The following TPMT variants were observed in gnomAD, a reference collection of about 807,000 sequenced individuals.
The protein encoded by TPMT is S-adenosyl-L-methionine:thiopurine S-methyltransferase.
A neutral mutation model predicts 34.2 loss-of-function variants in TPMT; 18 were observed. That is an observed-to-expected ratio of 0.53 (90% CI 0.36 to 0.78). The LOEUF (loss-of-function observed/expected upper bound fraction) is 0.78, where lower values mean the gene tolerates loss of function less well. TPMT is among the 30% of genes least tolerant of loss of function. TPMT has a pLI of 0.00. For synonymous variants in TPMT, 69 were observed against 92.4 expected (o/e 0.75, Z 1.45); for missense variants, 265 against 288.1 (o/e 0.92, Z 0.58).
At position 18,148,658 on chromosome 6, in the gene TPMT, T is replaced by C. The variant is rs146873604; in HGVS notation, c.140+330A>G. Among the ~76,000 whole-genome samples, 421 of 152,370 alleles carry C rather than the reference T, an allele frequency of 2.8e-3. 2 individuals are homozygous for C. The highest frequency in any genetic ancestry group is 5.2e-3 in the Admixed American group (80 of 15,300). ...CACCACTGATTTTCAGTATGAAGAA[T>C]TGTAAGCATAAACATTGCTTGAGCA... is the stretch of plus-strand genomic sequence containing the variant. On this transcript the variant is annotated intron_variant, in intron 2 of 8. Transcript: ENST00000309983. This position sits in a 1 kb window ranked among gnomAD's most constrained non-coding sequence, Gnocchi z 4.1.
chr6:18,137,311 T>C (rs1484034152), intron 6 of TPMT, among the ~76,000 whole-genome samples: 5 of 152,122 alleles, frequency 3.3e-5, no homozygotes, highest in African/African-American at 4.8e-5. Context: ...CTAATTTTTG[T>C]ATTTTTATAG....
rs1169832683 is a variant in TPMT, at chr6:18,149,191, A to C, written c.-44-20T>G. 7 of 1,603,468 alleles carry C rather than the reference A, an allele frequency of 4.4e-6. No individual in the cohort carries two copies. The African/African-American group carries it at 9.4e-5, about 21-fold the overall frequency. On this transcript the variant is annotated intron_variant, in intron 1 of 8. Coordinates refer to ENST00000309983, the MANE Select transcript of TPMT (RefSeq NM_000367.5). This position sits in a 1 kb window ranked among gnomAD's most constrained non-coding sequence, Gnocchi z 5.0. ...CCGTGCCTACGTGGAAAATATTTGC[A>C]ATGTTGTCATTTAAGGTCATTGGAA...
rs1432665950 is a variant in TPMT, at chr6:18,148,598, C to T, written c.140+390G>A. On this transcript the variant is annotated intron_variant, in intron 2 of 8. Coordinates refer to ENST00000309983, the MANE Select transcript of TPMT (RefSeq NM_000367.5). This position sits in a 1 kb window ranked among gnomAD's most constrained non-coding sequence, Gnocchi z 4.1. ...TCCCACCATAGAGATAATTCTTTAA[C>T]ATCTGAACACATCCTATTGGAAAGC... is the stretch of plus-strand genomic sequence containing the variant. 6.6e-6 allele frequency among the ~76,000 whole-genome samples: 1 copy of T among 152,228 alleles called. No homozygotes were observed. Among genetic ancestry groups the T allele is most frequent in the Admixed American group, 6.5e-5 (1 of 15,284 alleles).
intron 1 of TPMT, among the ~76,000 whole-genome samples, chr6:18,152,100 A>G (rs961916776): frequency 6.6e-6 from 1 of 152,210 alleles, no homozygotes; most frequent in Non-Finnish European, 1.5e-5. Flanking sequence ...GTTCTGAACC[A>G]GCATTTCAAG....
intron 3 of TPMT, among the ~76,000 whole-genome samples, chr6:18,147,606 A>G (rs978225182): frequency 1.3e-5 from 2 of 152,204 alleles, no homozygotes; most frequent in Non-Finnish European, 2.9e-5. Context: ...CTGATTTTTT[A>G]ATTTCAAAAC....
At chr6:18,144,646 T>G (rs978302000) in intron 3 of TPMT, among the ~76,000 whole-genome samples, 6 of 151,912 alleles carry the variant, frequency 3.9e-5, no homozygotes, top group Non-Finnish European at 7.4e-5. Flanking sequence ...CCCAAAGTGC[T>G]GGGATTACAG....
Position 18,130,856 on chromosome 6 carries a change from T to C in TPMT, c.626-76A>G. The C allele has an allele frequency of 8.4e-6, 11 of 1,313,492 alleles. No homozygotes were observed. Among genetic ancestry groups the C allele is most frequent in the Non-Finnish European group, 1.2e-5 (11 of 916,854 alleles). The allele number at this position is 1,313,492 out of a possible 1,614,324, so 81.4% of individuals were successfully genotyped here. ...GGATTCTTTTAAAAATACTCAAAATTGGCTGGGTGCGGTGGCTCACACCTG... is the reference window on the plus strand; with the variant it reads ...GGATTCTTTTAAAAATACTCAAAATCGGCTGGGTGCGGTGGCTCACACCTG... On this transcript the variant is annotated intron_variant, in intron 8 of 8. Transcript: ENST00000309983. The surrounding 1 kb of genome is among the most constrained non-coding windows in gnomAD (Gnocchi z 4.2).
In TPMT at chr6:18,143,164, G is replaced by C. The variant is rs1309287725; in HGVS notation, c.366+432C>G. On this transcript the variant is annotated intron_variant, in intron 4 of 8. Transcript: ENST00000309983. This position sits in a 1 kb window ranked among gnomAD's most constrained non-coding sequence, Gnocchi z 6.1. ...CTCCCATCTCTTCCCTTAATACCCT[G>C]TGTCTTTACACTTAGCTCCATGCAT... Among the ~76,000 whole-genome samples the C allele has an allele frequency of 6.6e-6, 1 of 152,120 alleles. No homozygotes were observed. Among genetic ancestry groups the C allele is most frequent in the Non-Finnish European group, 1.5e-5 (1 of 68,026 alleles).
chr6:18,131,595 A>T lies in TPMT; in HGVS notation c.625+538T>A, dbSNP rs1783943079. ...GATCCTATCTCAAAAATAAACAAAT[A>T]AAAAAAAATATACCATCTCTCTAGA... On this transcript the variant is annotated intron_variant, in intron 8 of 8. Transcript: ENST00000309983. This position sits in a 1 kb window ranked among gnomAD's most constrained non-coding sequence, Gnocchi z 4.3. Among the ~76,000 whole-genome samples the T allele has an allele frequency of 2.0e-5, 3 of 151,760 alleles. No individual in the cohort carries two copies. Among genetic ancestry groups the T allele is most frequent in the South Asian group, 2.1e-4 (1 of 4,792 alleles).
At position 18,143,785 on chromosome 6, in the gene TPMT, G is replaced by T. The variant is rs185584633; in HGVS notation, c.234-57C>A. On this transcript the variant is annotated intron_variant, in intron 3 of 8. Coordinates refer to ENST00000309983, the MANE Select transcript of TPMT (RefSeq NM_000367.5). This position sits in a 1 kb window ranked among gnomAD's most constrained non-coding sequence, Gnocchi z 6.1. Reference sequence around the variant, plus strand: ...ATGTTTTCAAATGACTAAATAGAGGGTTATATTAGAGTAAGCATATATTTT... The same window carrying T: ...ATGTTTTCAAATGACTAAATAGAGGTTTATATTAGAGTAAGCATATATTTT... 97 of 1,595,558 alleles carry T rather than the reference G, an allele frequency of 6.1e-5. 2 individuals are homozygous for T. In the South Asian group the frequency reaches 1.0e-3, roughly 17 times the overall value.
In TPMT at chr6:18,148,058, C is replaced by A; in HGVS notation, c.141-143G>T. ...AATCTCCAGCTTACATATGAAGAAA[C>A]AGGTAACTTGCTCAGACACACACCC... On this transcript the variant is annotated intron_variant, in intron 2 of 8. Coordinates refer to ENST00000309983, the MANE Select transcript of TPMT (RefSeq NM_000367.5). This position sits in a 1 kb window ranked among gnomAD's most constrained non-coding sequence, Gnocchi z 4.1. The A allele has an allele frequency of 2.9e-6, 2 of 691,702 alleles. No homozygotes were observed. The highest frequency in any genetic ancestry group is 1.8e-5 in the South Asian group (1 of 55,814). The allele number at this position is 691,702 out of a possible 1,614,324, so 42.8% of individuals were successfully genotyped here.
rs72552739 is a variant in TPMT, at chr6:18,143,670, C to A, written c.292G>T (p.Glu98Ter). 660 of 1,613,924 alleles carry A rather than the reference C, an allele frequency of 4.1e-4. 1 individual carries two copies. Among genetic ancestry groups the A allele is most frequent in the Non-Finnish European group, 5.4e-4 (640 of 1,180,020 alleles). The change falls in exon 4 of 9, where the codon GAA (glutamate) becomes TAA (stop). Residue 98 changes from glutamate (E) to a stop codon, truncating the protein, a stop_gained. Transcript: ENST00000309983. LOFTEE classifies it high-confidence loss of function. This position sits in a 1 kb window ranked among gnomAD's most constrained non-coding sequence, Gnocchi z 6.1. Reference sequence around the variant, plus strand: ...GAAAGATTCTGCTCTGTAAAAAATTCTTGTATCCCAAGTTCACTGATTTCC... The same window carrying A: ...GAAAGATTCTGCTCTGTAAAAAATTATTGTATCCCAAGTTCACTGATTTCC... Reference protein sequence around the residue: ...GVEISELGIQEFFTEQNLSYS... With the variant: ...GVEISELGIQ
In TPMT at chr6:18,131,373, G is replaced by A. The variant is rs906883325; in HGVS notation, c.626-593C>T. Among the ~76,000 whole-genome samples the A allele has an allele frequency of 2.0e-5, 3 of 152,124 alleles. No individual in the cohort carries two copies. The highest frequency in any genetic ancestry group is 7.2e-5 in the African/African-American group (3 of 41,436). On this transcript the variant is annotated intron_variant, in intron 8 of 8. Transcript: ENST00000309983. This position sits in a 1 kb window ranked among gnomAD's most constrained non-coding sequence, Gnocchi z 4.3. The stretch of plus-strand genomic sequence containing the variant: ...ACAAGAGGATCACTTGAGCCCAGGA[G>A]TTCGAGACCAGCCTGGGCAATGTGG...
chr6:18,138,986 G>A lies in TPMT; in HGVS notation c.471C>T (p.Ala157=), dbSNP rs1343758205. ...DMIWDRGALV[A]INPGDRKCYA... is the part of the protein sequence containing the mutation. ...ACCATTTGCGATCACCTGGATTGAT[G>A]GCAACTAATGCTCCTCTATCCCAAA... is the stretch of plus-strand genomic sequence containing the variant. The change falls in exon 6 of 9, where the codon GCC becomes GCT. Residue 157 remains alanine (A), a synonymous_variant. Coordinates refer to ENST00000309983, the MANE Select transcript of TPMT (RefSeq NM_000367.5). The surrounding 1 kb of genome is among the most constrained non-coding windows in gnomAD (Gnocchi z 4.1). 2.5e-6 allele frequency: 4 copies of A among 1,613,508 alleles called. No individual in the cohort carries two copies. Among genetic ancestry groups the A allele is most frequent in the Non-Finnish European group, 3.4e-6 (4 of 1,179,562 alleles).
chr6:18,137,250 G>A (rs1272531291), intron 6 of TPMT, among the ~76,000 whole-genome samples: 1 of 151,906 alleles, frequency 6.6e-6, no homozygotes, highest in Admixed American at 6.6e-5. Flanking sequence ...CAATTCTCCT[G>A]CCTCAGCCTC....
chr6:18,152,392 A>G (rs1784368316), intron 1 of TPMT, among the ~76,000 whole-genome samples: 1 of 152,226 alleles, frequency 6.6e-6, no homozygotes, highest in South Asian at 2.1e-4. Flanking sequence ...AACAGATTAA[A>G]GTAGATACTG....
chr6:18,151,791 T>A (rs1001701878), intron 1 of TPMT, among the ~76,000 whole-genome samples: 79 of 152,156 alleles, frequency 5.2e-4, no homozygotes, highest in African/African-American at 1.9e-3. Context: ...AGTCAGACTT[T>A]CCATAGATGG....
chr6:18,149,222 T>C lies in TPMT; in HGVS notation c.-44-51A>G, dbSNP rs1215555012. ...GTCATTTAAGGTCATTGGAATTCTATTGATGAACTAAATGAAAACCTATTA... is the reference window on the plus strand; with the variant it reads ...GTCATTTAAGGTCATTGGAATTCTACTGATGAACTAAATGAAAACCTATTA... On this transcript the variant is annotated intron_variant, in intron 1 of 8. Coordinates refer to ENST00000309983, the MANE Select transcript of TPMT (RefSeq NM_000367.5). This position sits in a 1 kb window ranked among gnomAD's most constrained non-coding sequence, Gnocchi z 5.0. The C allele has an allele frequency of 9.0e-6, 13 of 1,445,358 alleles. No homozygotes were observed. Among genetic ancestry groups the C allele is most frequent in the South Asian group, 4.6e-5 (4 of 87,240 alleles). The allele number at this position is 1,445,358 out of a possible 1,614,324, so 89.5% of individuals were successfully genotyped here. A position where few individuals can be genotyped will look rare whatever the true frequency, so the allele number is the denominator to read the frequency against.
Position 18,136,180 on chromosome 6 carries a change from T to C in TPMT, c.495-2291A>G, listed in dbSNP as rs1380119868. ...CTAACCTCTAAGGAATGGATGATCA[T>C]CTTCAGGGAGTGGGAAACACCTACA... On this transcript the variant is annotated intron_variant, in intron 6 of 8. Transcript: ENST00000309983. The surrounding 1 kb of genome is among the most constrained non-coding windows in gnomAD (Gnocchi z 4.7). Among the ~76,000 whole-genome samples the C allele has an allele frequency of 6.6e-6, 1 of 152,012 alleles. No homozygotes were observed. The highest frequency in any genetic ancestry group is 6.6e-5 in the Admixed American group (1 of 15,254).
Sources: gnomAD v4.1 joint callset for allele counts (sites outside exome capture counted in the v4.1 genomes callset) on GRCh38, gnomAD v4.1.1 for gene constraint, Gnocchi (gnomAD v3.1) non-coding constraint, MANE v1.5 for transcripts, NCBI Gene and HGNC (gene_info 2026-07-23, HGNC 2026-07-21) for gene names.